COL24A1: variants seen among roughly 807,000 people sequenced by gnomAD.
COL24A1 encodes the protein collagen alpha-1(XXIV) chain.
COL24A1 carries 224 observed loss-of-function variants against 253.9 expected under a neutral mutation model. That is an observed-to-expected ratio of 0.88 (90% CI 0.79 to 0.99). The LOEUF (loss-of-function observed/expected upper bound fraction) is 0.99. Among genes scored for constraint, COL24A1 ranks in the 50% least tolerant of loss-of-function variants. COL24A1 has a pLI of 0.00. For synonymous variants in COL24A1, 685 were observed against 673.7 expected (o/e 1.02, Z -0.26); for missense variants, 2,131 against 2,068.5 (o/e 1.03, Z -0.59).
chr1:86,040,337 T>C (rs1438112891), intron 12 of COL24A1, among the ~76,000 whole-genome samples: 1 of 152,000 alleles, frequency 6.6e-6, no homozygotes, highest in East Asian at 1.9e-4. Context: ...TATTACACTT[T>C]AAGTTTTAGG....
At chr1:85,988,179 T>G (rs1345461107) in intron 19 of COL24A1, among the ~76,000 whole-genome samples, 1 of 151,858 alleles carries the variant, frequency 6.6e-6, no homozygotes, top group Admixed American at 6.6e-5. Flanking sequence ...ACTATCTTAT[T>G]CTAACATCCC....
intron 20 of COL24A1, among the ~76,000 whole-genome samples, chr1:85,980,443 C>T (rs752038811): frequency 5.9e-5 from 9 of 152,034 alleles, no homozygotes; most frequent in East Asian, 1.9e-4. Context: ...AAGTCTCATC[C>T]GAAAAACTCC....
intron 14 of COL24A1, among the ~76,000 whole-genome samples, chr1:86,027,888 A>C (rs1698196067): frequency 6.6e-6 from 1 of 152,216 alleles, no homozygotes; most frequent in African/African-American, 2.4e-5. Flanking sequence ...TTAAAGCTAC[A>C]GGGTGGTGCT....
intron 24 of COL24A1, among the ~76,000 whole-genome samples, chr1:85,943,923 C>T (rs746613316): frequency 2.0e-5 from 3 of 152,320 alleles, no homozygotes; most frequent in Non-Finnish European, 2.9e-5. Context: ...ATTCATTTTA[C>T]GCATTTTTTT....
Position 86,126,015 on chromosome 1 carries a change from T to C in COL24A1, c.321A>G (p.Thr107=), listed in dbSNP as rs1011014361. ...ILPVNLGQPF[T]ILTGLQSHRV... ...GATGTGACTGTAACCCAGTTAATATTGTAAACGGCTGCCCCAAGTTGACTG... is the reference window on the plus strand; with the variant it reads ...GATGTGACTGTAACCCAGTTAATATCGTAAACGGCTGCCCCAAGTTGACTG... The change falls in exon 3 of 60, where the codon ACA becomes ACG. Residue 107 remains threonine (T), a synonymous_variant. Coordinates refer to ENST00000370571, the MANE Select transcript of COL24A1 (RefSeq NM_152890.7). 1.2e-6 allele frequency: 2 copies of C among 1,613,642 alleles called. No individual in the cohort carries two copies. The highest frequency in any genetic ancestry group is 1.7e-6 in the Non-Finnish European group (2 of 1,179,796).
chr1:85,918,007 C>T (rs780475857), intron 24 of COL24A1, among the ~76,000 whole-genome samples: 1 of 152,158 alleles, frequency 6.6e-6, no homozygotes, highest in Non-Finnish European at 1.5e-5. Context: ...CGTGCCCAAA[C>T]CTTATTGGTT....
At chr1:85,833,395 G>A (rs1344533558) in intron 43 of COL24A1, among the ~76,000 whole-genome samples, 2 of 152,150 alleles carry the variant, frequency 1.3e-5, no homozygotes, top group Non-Finnish European at 2.9e-5. Context: ...TCAGAGAAAT[G>A]CAAATCAAAA....
At chr1:86,152,837 G>T (rs560171873) in intron 1 of COL24A1, among the ~76,000 whole-genome samples, 9 of 152,298 alleles carry the variant, frequency 5.9e-5, no homozygotes, top group African/African-American at 2.2e-4. Context: ...ATAATCTTCA[G>T]TCAATGAAAG....
chr1:85,759,035 A>C (rs1185035350), intron 55 of COL24A1, among the ~76,000 whole-genome samples: 1 of 152,078 alleles, frequency 6.6e-6, no homozygotes, highest in Non-Finnish European at 1.5e-5. Context: ...AATAATCCTG[A>C]ATGAGACTCA....
At chr1:86,052,204 T>C (rs1700363466) in intron 10 of COL24A1, among the ~76,000 whole-genome samples, 1 of 152,090 alleles carries the variant, frequency 6.6e-6, no homozygotes. Flanking sequence ...AATCACAGAA[T>C]GGGTGATTTT....
intron 7 of COL24A1, among the ~76,000 whole-genome samples, chr1:86,082,151 A>C (rs1405719739): frequency 2.6e-5 from 4 of 152,162 alleles, no homozygotes; most frequent in African/African-American, 4.8e-5. Context: ...AAAAATGCTA[A>C]AGAAATTCTG....
chr1:85,912,470 A>C (rs1014520570), intron 24 of COL24A1, among the ~76,000 whole-genome samples: 6 of 152,152 alleles, frequency 3.9e-5, no homozygotes, highest in Non-Finnish European at 5.9e-5. Flanking sequence ...CCATGCAAAG[A>C]CCTTGTTTAG....
chr1:86,094,595 C>T (rs1393214736), intron 5 of COL24A1, among the ~76,000 whole-genome samples: 1 of 151,868 alleles, frequency 6.6e-6, no homozygotes, highest in Non-Finnish European at 1.5e-5. Flanking sequence ...ACATATGTAA[C>T]AAACTTGCAC....
At chr1:85,821,836 C>T (rs1673652777) in intron 45 of COL24A1, among the ~76,000 whole-genome samples, 1 of 152,116 alleles carries the variant, frequency 6.6e-6, no homozygotes, top group South Asian at 2.1e-4. Flanking sequence ...TTAACATATA[C>T]TAATAAGCAT....
intron 7 of COL24A1, among the ~76,000 whole-genome samples, chr1:86,075,787 A>G (rs1702204746): frequency 6.6e-6 from 1 of 152,240 alleles, no homozygotes. Context: ...AACCAATGAC[A>G]AAAACCACAT....
chr1:85,834,075 C>G (rs1675705051), intron 43 of COL24A1, among the ~76,000 whole-genome samples: 1 of 151,632 alleles, frequency 6.6e-6, no homozygotes, highest in Admixed American at 6.6e-5. Context: ...ATGTAACAAA[C>G]CTGTACATTG....
chr1:85,858,601 A>C (rs1570943516), intron 37 of COL24A1, among the ~76,000 whole-genome samples: 1 of 104,048 alleles, frequency 9.6e-6, no homozygotes, highest in African/African-American at 3.0e-5. Context: ...CCAATAACAT[A>C]TTTTCTCCTT....
At chr1:86,110,588 G>C (rs75074354) in intron 5 of COL24A1, among the ~76,000 whole-genome samples, 22,232 of 151,824 alleles carry the variant, frequency 0.15, 1,769 homozygotes, top group South Asian at 0.24. Flanking sequence ...CTGGGGCTGC[G>C]TGCGGCGCTC....
chr1:85,876,849 G>A (rs1681225623), intron 33 of COL24A1, among the ~76,000 whole-genome samples: 1 of 152,106 alleles, frequency 6.6e-6, no homozygotes, highest in Admixed American at 6.6e-5. Flanking sequence ...AGGATGAAAG[G>A]TTATCAAGTC....
Sources: allele counts gnomAD v4.1 joint callset (sites outside exome capture counted in the v4.1 genomes callset), GRCh38; gene constraint gnomAD v4.1.1; transcripts MANE v1.5; gene names NCBI Gene and HGNC (gene_info 2026-07-23, HGNC 2026-07-21).